The following NLGN1 variants were observed in gnomAD, a reference collection of about 807,000 sequenced individuals.
NLGN1 encodes neuroligin-1.
In NLGN1, 12 loss-of-function variants were observed where a neutral mutation model predicts 65.5. The ratio of observed to expected loss-of-function variants is 0.18; its 90% CI spans 0.12 to 0.30. The LOEUF is 0.30. Among genes scored for constraint, NLGN1 ranks in the 10% least tolerant of loss-of-function variants. NLGN1 has a pLI of 1.00. For missense variants in NLGN1, 750 were observed against 1,007.1 expected (o/e 0.74, Z 3.46); for synonymous variants, 350 against 359.5 (o/e 0.97, Z 0.30).
intron 1 of NLGN1, among the ~76,000 whole-genome samples, chr3:173,402,146 A>G (rs1032629304): frequency 2.0e-5 from 3 of 152,174 alleles, no homozygotes; most frequent in African/African-American, 7.2e-5. Flanking sequence ...ATGCTAGTGA[A>G]TGCAGTAGGT....
chr3:173,710,199 T>C (rs1313204712), intron 3 of NLGN1, among the ~76,000 whole-genome samples: 1 of 152,164 alleles, frequency 6.6e-6, no homozygotes, highest in Non-Finnish European at 1.5e-5. Context: ...ATACAGTAGA[T>C]GATATTAGAC....
intron 2 of NLGN1, among the ~76,000 whole-genome samples, chr3:173,539,633 C>CATATAT (rs1364769727): frequency 2.0e-4 from 8 of 39,736 alleles, no homozygotes; most frequent in Non-Finnish European, 3.5e-4. Flanking sequence ...TTTATATATA[C>CATATAT]ACATATATAC....
At chr3:173,893,778 A>G (rs147591616) in intron 4 of NLGN1, among the ~76,000 whole-genome samples, 1 of 152,248 alleles carries the variant, frequency 6.6e-6, no homozygotes, top group African/African-American at 2.4e-5. Flanking sequence ...AAGCATAAAT[A>G]CAATTTTGTT....
chr3:173,527,550 AC>A (rs1735858022), intron 2 of NLGN1, among the ~76,000 whole-genome samples: 1 of 152,056 alleles, frequency 6.6e-6, no homozygotes, highest in South Asian at 2.1e-4. Flanking sequence ...GGCGCCCGCC[AC>A]CACGCCCGGC....
chr3:173,806,246 A>C (rs55683691), intron 3 of NLGN1, among the ~76,000 whole-genome samples: 3,542 of 152,276 alleles, frequency 0.023, 159 homozygotes, highest in African/African-American at 0.082. Context: ...CTTCATTTGA[A>C]GATATCACTT....
intron 4 of NLGN1, among the ~76,000 whole-genome samples, chr3:174,120,310 G>A (rs997517794): frequency 7.3e-5 from 11 of 151,494 alleles, no homozygotes; most frequent in Non-Finnish European, 1.5e-4. Context: ...ACATGGCAAA[G>A]CCCCATCTCT....
At chr3:174,204,350 T>A (rs1394788223) in intron 4 of NLGN1, among the ~76,000 whole-genome samples, 1 of 152,202 alleles carries the variant, frequency 6.6e-6, no homozygotes, top group African/African-American at 2.4e-5. Flanking sequence ...ATCAAAAAAA[T>A]TTTAACCTAA....
At position 173,428,103 on chromosome 3, in the gene NLGN1, T is replaced by G. The variant is rs533383833; in HGVS notation, c.-389-6907T>G. Among the ~76,000 whole-genome samples, 11 of 152,052 alleles carry G rather than the reference T, an allele frequency of 7.2e-5. No individual in the cohort carries two copies. In the East Asian group the frequency reaches 2.1e-3, roughly 29 times the overall value. On this transcript the variant is annotated intron_variant, in intron 1 of 6. Transcript: ENST00000457714. ...TTGATAGTTTTGGACTTGAAGTCTA[T>G]TTTATCTGATATAAGTTTAGCTACT... is the stretch of plus-strand genomic sequence containing the variant.
At chr3:174,225,714 G>C (rs933655795) in intron 4 of NLGN1, among the ~76,000 whole-genome samples, 1 of 151,114 alleles carries the variant, frequency 6.6e-6, no homozygotes, top group Non-Finnish European at 1.5e-5. Context: ...CTGGGGGACA[G>C]AGCGAGACTC....
chr3:173,982,800 G>A (rs1022004650), intron 4 of NLGN1, among the ~76,000 whole-genome samples: 2 of 152,152 alleles, frequency 1.3e-5, no homozygotes, highest in African/African-American at 4.8e-5. Flanking sequence ...GTAGTTTACA[G>A]TAAAACATAT....
chr3:173,558,914 A>T (rs9879529), intron 2 of NLGN1, among the ~76,000 whole-genome samples: 83,822 of 151,390 alleles, frequency 0.55, 23,094 homozygotes, highest in East Asian at 0.74. Flanking sequence ...GTTGTTGTTT[A>T]TCCAAGTAGG....
intron 4 of NLGN1, among the ~76,000 whole-genome samples, chr3:173,904,475 G>A (rs28599484): frequency 0.038 from 5,668 of 150,504 alleles, 217 homozygotes; most frequent in African/African-American, 0.097. Flanking sequence ...TCTCCTAAAT[G>A]GAGTATACTT....
intron 3 of NLGN1, among the ~76,000 whole-genome samples, chr3:173,608,792 T>A (rs563895396): frequency 9.5e-4 from 145 of 152,038 alleles, no homozygotes; most frequent in African/African-American, 3.4e-3. Flanking sequence ...TCATGAGTTC[T>A]TTTTATTCTA....
At chr3:173,504,204 A>C (rs1731626174) in intron 2 of NLGN1, among the ~76,000 whole-genome samples, 1 of 152,048 alleles carries the variant, frequency 6.6e-6, no homozygotes, top group Non-Finnish European at 1.5e-5. Context: ...CCCCTTCAGA[A>C]TGTTTATCTG....
At chr3:174,204,292 T>C (rs1300821147) in intron 4 of NLGN1, among the ~76,000 whole-genome samples, 2 of 152,224 alleles carry the variant, frequency 1.3e-5, no homozygotes, top group African/African-American at 2.4e-5. Flanking sequence ...ATTTTAACAT[T>C]GTACAACACT....
chr3:173,456,111 C>T (rs1722479868), intron 2 of NLGN1, among the ~76,000 whole-genome samples: 1 of 152,132 alleles, frequency 6.6e-6, no homozygotes, highest in Non-Finnish European at 1.5e-5. Context: ...CCTGGAAACA[C>T]CCTCACAGAT....
chr3:173,487,775 T>C (rs1017835184), intron 2 of NLGN1, among the ~76,000 whole-genome samples: 4 of 152,054 alleles, frequency 2.6e-5, no homozygotes, highest in Non-Finnish European at 4.4e-5. Context: ...CAGTTGGCCT[T>C]TCTGAGTATT....
intron 3 of NLGN1, among the ~76,000 whole-genome samples, chr3:173,664,977 A>G (rs1045861105): frequency 6.6e-6 from 1 of 152,150 alleles, no homozygotes; most frequent in African/African-American, 2.4e-5. Flanking sequence ...AGCTCATAAT[A>G]TATTCCGTAT....
intron 4 of NLGN1, among the ~76,000 whole-genome samples, chr3:173,954,512 G>T (rs775583822): frequency 6.6e-6 from 1 of 152,088 alleles, no homozygotes; most frequent in East Asian, 1.9e-4. Context: ...TAAACTGTTA[G>T]GTTGAAGTGG....
Sources: allele counts gnomAD v4.1 joint callset (sites outside exome capture counted in the v4.1 genomes callset), GRCh38; gene constraint gnomAD v4.1.1; transcripts MANE v1.5; gene names NCBI Gene and HGNC (gene_info 2026-07-23, HGNC 2026-07-21).